TRAP1: variants seen among roughly 807,000 people sequenced by gnomAD.
TRAP1 encodes heat shock protein 75 kDa, mitochondrial.
Under a neutral mutation model 89.1 loss-of-function variants are expected in TRAP1, and 102 were observed. That is an observed-to-expected ratio of 1.15 (90% CI 0.98 to 1.35). The LOEUF (loss-of-function observed/expected upper bound fraction) is 1.35, where lower values mean the gene tolerates loss of function less well. TRAP1 is among the 40% of genes most tolerant of loss of function. The probability of loss-of-function intolerance (pLI) is 0.00; values close to 1 mark genes in which losing one functional copy is unlikely to be tolerated. For synonymous variants in TRAP1, 508 were observed against 388.0 expected (o/e 1.31, Z -3.64); for missense variants, 1,256 against 945.3 (o/e 1.33, Z -4.31).
chr16:3,671,574 G>C (rs567322787), intron 11 of TRAP1, 148 bp downstream of exon 11: 3 of 750,758 alleles, frequency 4.0e-6, no homozygotes, highest in Non-Finnish European at 6.5e-6. Context: ...CACCTGGAAG[G>C]CTCCTGAGGG....
intron 16 of TRAP1, 194 bp from the exon 17 acceptor site, chr16:3,659,059 A>C (rs1169498335): frequency 3.4e-6 from 2 of 594,454 alleles, no homozygotes; most frequent in Non-Finnish European, 2.9e-6. Flanking sequence ...CAGGAGTGTC[A>C]GTATTAGAAA....
At chr16:3,688,410 C>A (rs2051166734) in intron 3 of TRAP1, among the ~76,000 whole-genome samples, 1 of 152,200 alleles carries the variant, frequency 6.6e-6, no homozygotes, top group African/African-American at 2.4e-5. Context: ...GGTAGTCCCA[C>A]CAGGCAAAGG....
intron 4 of TRAP1, 104 bp downstream of exon 4, chr16:3,685,892 C>G: frequency 7.4e-7 from 1 of 1,356,650 alleles, no homozygotes; most frequent in Non-Finnish European, 1.0e-6. Flanking sequence ...CCTGGTGGTA[C>G]GGACGGCCAG....
chr16:3,716,426 T>C (rs2051598674), intron 1 of TRAP1, among the ~76,000 whole-genome samples: 1 of 152,186 alleles, frequency 6.6e-6, no homozygotes, highest in African/African-American at 2.4e-5. Flanking sequence ...TAATAAAAAG[T>C]AAAACCTGAA....
chr16:3,682,333 T>A (rs930202819), intron 4 of TRAP1, among the ~76,000 whole-genome samples: 4 of 150,992 alleles, frequency 2.6e-5, no homozygotes, highest in African/African-American at 9.8e-5. Flanking sequence ...GGAAAATTGC[T>A]TGAGCCCAGG....
intron 1 of TRAP1, among the ~76,000 whole-genome samples, chr16:3,698,930 A>C (rs927347373): frequency 6.6e-6 from 1 of 152,168 alleles, no homozygotes; most frequent in Non-Finnish European, 1.5e-5. Context: ...CATTAGAGGA[A>C]TAAATCTGCC....
rs2051612163 is a variant in TRAP1 at position 3,717,405 on chromosome 16, G to T, written c.88+16C>A. On this transcript the variant is annotated intron_variant, in intron 1 of 17. Transcript: ENST00000246957. ...GCCCGGCCCGCCCGCTGCCCGTCCA[G>T]CCAGGACGCCCTCACCTCCCGGCAC... is the stretch of plus-strand genomic sequence containing the variant. 9.9e-6 allele frequency: 11 copies of T among 1,106,606 alleles called. No homozygotes were observed. The South Asian group carries it at 3.4e-4, about 34-fold the overall frequency. The allele number at this position is 1,106,606 out of a possible 1,614,324, so 68.5% of individuals were successfully genotyped here.
At chr16:3,681,627 C>A (rs1291496061) in intron 4 of TRAP1, among the ~76,000 whole-genome samples, 3 of 152,022 alleles carry the variant, frequency 2.0e-5, no homozygotes, top group African/African-American at 7.3e-5. Context: ...TAAAAAACTA[C>A]TTAAAATTAG....
intron 1 of TRAP1, among the ~76,000 whole-genome samples, chr16:3,714,665 A>T (rs1472714094): frequency 6.6e-6 from 1 of 152,160 alleles, no homozygotes; most frequent in Non-Finnish European, 1.5e-5. Flanking sequence ...GCTCAAAAAA[A>T]ATCAAATAAG....
At chr16:3,688,026 A>G (rs2158962) in intron 3 of TRAP1, among the ~76,000 whole-genome samples, 86,709 of 151,972 alleles carry the variant, frequency 0.57, 25,748 homozygotes, top group African/African-American at 0.73. Context: ...AACAGCTCCT[A>G]GAAGGCCCTC....
At chr16:3,708,439 C>A (rs906409054) in intron 1 of TRAP1, among the ~76,000 whole-genome samples, 1 of 151,984 alleles carries the variant, frequency 6.6e-6, no homozygotes, top group African/African-American at 2.4e-5. Context: ...GAGTTCAAGA[C>A]CAGCCTGATC....
At chr16:3,702,770 C>T (rs1025493071) in intron 1 of TRAP1, among the ~76,000 whole-genome samples, 1 of 151,378 alleles carries the variant, frequency 6.6e-6, no homozygotes, top group African/African-American at 2.4e-5. Flanking sequence ...AAGCTGGGTG[C>T]GGTGGCTCAC....
chr16:3,677,459 C>G, intron 6 of TRAP1, 39 bp downstream of exon 6: 1 of 1,613,806 alleles, frequency 6.2e-7, no homozygotes, highest in Non-Finnish European at 8.5e-7. Context: ...GGCTCCAGCT[C>G]AGCTTTGAGC....
In TRAP1 at chr16:3,674,742, A is replaced by AG. The variant is rs34009886; in HGVS notation, c.889-249dup. ...TGTCAGGAGGACCAGCCGGGACCTG[A>AG]GGGGGCCTGTGGGAGAGGATGACGC... On this transcript the variant is annotated intron_variant, in intron 8 of 17. Coordinates refer to ENST00000246957, the MANE Select transcript of TRAP1 (RefSeq NM_016292.3). The AG allele has an allele frequency of 1.2e-4, 65 of 545,934 alleles. 1 individual carries two copies. The South Asian group carries it at 1.3e-3, about 11-fold the overall frequency. 33.8% of individuals were successfully genotyped at this position (545,934 alleles called of 1,614,324 possible). A position where few individuals can be genotyped will look rare whatever the true frequency, so the allele number is the denominator to read the frequency against.
chr16:3,664,155 GA>G, intron 13 of TRAP1, 118 bp downstream of exon 13: 1 of 1,109,672 alleles, frequency 9.0e-7, no homozygotes, highest in Non-Finnish European at 1.2e-6. Context: ...CCGTGACCCT[GA>G]CCCACTGTGC....
At chr16:3,683,595 A>C (rs2051101049) in intron 4 of TRAP1, among the ~76,000 whole-genome samples, 1 of 151,680 alleles carries the variant, frequency 6.6e-6, no homozygotes, top group Non-Finnish European at 1.5e-5. Context: ...CGTGCTGGCC[A>C]GGCTGGTCTT....
chr16:3,701,068 A>C (rs557582189), intron 1 of TRAP1, among the ~76,000 whole-genome samples: 1 of 152,244 alleles, frequency 6.6e-6, no homozygotes, highest in Non-Finnish European at 1.5e-5. Flanking sequence ...CACTTTAAAC[A>C]TAAAGAAAAA....
At chr16:3,668,410 A>G (rs1285344686) in intron 11 of TRAP1, among the ~76,000 whole-genome samples, 2 of 152,234 alleles carry the variant, frequency 1.3e-5, no homozygotes, top group Non-Finnish European at 2.9e-5. Flanking sequence ...AGTTTCATGA[A>G]GAATGTGACA....
rs868852225 is a variant in TRAP1 at position 3,686,070 on chromosome 16, A to T, written c.397T>A (p.Ser133Thr). The stretch of plus-strand genomic sequence containing the variant: ...ATTTCTGGCAGTGCTTGGCCGTCAG[A>T]CACCAGTTTGTGACGCAGTTTTTCC... The part of the protein sequence containing the change: ...ALEKLRHKLV[S>T]DGQALPEMEI... Residue 133 changes from serine to threonine, a missense_variant, in exon 4 of 18, where the codon TCT (serine) becomes ACT (threonine). Physicochemically the swap from Ser to Thr is moderately conservative, Grantham distance 58. Coordinates refer to ENST00000246957, the MANE Select transcript of TRAP1 (RefSeq NM_016292.3). 1.2e-6 allele frequency: 2 copies of T among 1,614,100 alleles called. No homozygotes were observed. Among genetic ancestry groups the T allele is most frequent in the African/African-American group, 1.3e-5 (1 of 75,018 alleles).
Sources: gnomAD v4.1 joint callset for allele counts (sites outside exome capture counted in the v4.1 genomes callset) on GRCh38, gnomAD v4.1.1 for gene constraint, MANE v1.5 for transcripts, NCBI Gene and HGNC (gene_info 2026-07-23, HGNC 2026-07-21) for gene names.